Variants in PDZD2 observed in about 807,000 individuals in gnomAD.
The protein encoded by PDZD2 is PDZ domain-containing protein 2.
Under a neutral mutation model 220.7 loss-of-function variants are expected in PDZD2, and 90 were observed. That is an observed-to-expected ratio of 0.41 (90% CI 0.34 to 0.49). The LOEUF (loss-of-function observed/expected upper bound fraction) is 0.49. PDZD2 is among the 20% of genes least tolerant of loss of function. The pLI is 0.28. For missense variants in PDZD2, 3,174 were observed against 3,608.5 expected (o/e 0.88, Z 3.08); for synonymous variants, 1,375 against 1,450.5 (o/e 0.95, Z 1.18).
rs760473549 is a variant in PDZD2 at position 32,089,123 on chromosome 5, G to A, written c.5675G>A (p.Gly1892Asp). ...AAGCTGAAGAGGCTCAGCCTCAAGGGCAAGGCCAAAGTCAACTCTGAGGCC... is the reference window on the plus strand; with the variant it reads ...AAGCTGAAGAGGCTCAGCCTCAAGGACAAGGCCAAAGTCAACTCTGAGGCC... ...GPKLKRLSLK[G>D]KAKVNSEAPA... The change falls in exon 20 of 25, where the codon GGC (glycine) becomes GAC (aspartate). Residue 1892 changes from glycine to aspartate, a missense_variant. Around this residue, in one of 4 missense-constraint regions of PDZD2, gnomAD observed 1,861 missense variants for 2,001.0 expected, o/e 0.93. Coordinates refer to ENST00000438447, the MANE Select transcript of PDZD2 (RefSeq NM_178140.4). 8 of 1,613,972 alleles carry A rather than the reference G, an allele frequency of 5.0e-6. No individual in the cohort carries two copies. In the African/African-American group the frequency reaches 8.0e-5, roughly 16 times the overall value.
intron 1 of PDZD2, among the ~76,000 whole-genome samples, chr5:31,686,691 T>C (rs1026640567): frequency 4.6e-5 from 7 of 152,226 alleles, no homozygotes; most frequent in Admixed American, 4.6e-4. Flanking sequence ...TTACCGAATA[T>C]CCATATATCA....
At position 31,645,333 on chromosome 5, in the gene PDZD2, C is replaced by CT. The variant is rs1226259458; in HGVS notation, c.-361+5917dup. ...ATTTCAGAGGGGTTACTCTTGGTCTCTTTTTTTTTTTTTTTTTTTTTGAGA... is the reference window on the plus strand; with the variant it reads ...ATTTCAGAGGGGTTACTCTTGGTCTCTTTTTTTTTTTTTTTTTTTTTTGAGA... On this transcript the variant is annotated intron_variant, in intron 1 of 24. Coordinates refer to ENST00000438447, the MANE Select transcript of PDZD2 (RefSeq NM_178140.4). Among the ~76,000 whole-genome samples, 49 of 122,800 alleles carry CT rather than the reference C, an allele frequency of 4.0e-4. 1 individual carries two copies. Among genetic ancestry groups the CT allele is most frequent in the Admixed American group, 7.7e-4 (9 of 11,616 alleles). The allele number at this position is 122,800 out of a possible 152,430, so 80.6% of individuals were successfully genotyped here.
chr5:31,980,403 G>T (rs1442491381), intron 2 of PDZD2, among the ~76,000 whole-genome samples: 1 of 152,240 alleles, frequency 6.6e-6, no homozygotes, highest in East Asian at 1.9e-4. Context: ...CCATTATATG[G>T]ATATATCAAC....
intron 2 of PDZD2, among the ~76,000 whole-genome samples, chr5:31,907,881 G>C (rs538160201): frequency 6.6e-6 from 1 of 151,912 alleles, no homozygotes; most frequent in South Asian, 2.1e-4. Flanking sequence ...TCAGGAGTTC[G>C]AGACCAGCCT....
intron 1 of PDZD2, among the ~76,000 whole-genome samples, chr5:31,693,353 G>C (rs553464443): frequency 6.8e-6 from 1 of 147,626 alleles, no homozygotes; most frequent in Non-Finnish European, 1.5e-5. Flanking sequence ...GCGATTCTTC[G>C]GTCTCAGCCT....
intron 1 of PDZD2, among the ~76,000 whole-genome samples, chr5:31,778,032 C>T (rs761517257): frequency 3.7e-4 from 56 of 151,172 alleles, no homozygotes; most frequent in African/African-American, 6.3e-4. Flanking sequence ...GGATTGTAAA[C>T]GCACCAATCA....
intron 1 of PDZD2, among the ~76,000 whole-genome samples, chr5:31,696,896 T>A (rs1486616187): frequency 1.3e-5 from 2 of 152,130 alleles, no homozygotes; most frequent in African/African-American, 2.4e-5. Flanking sequence ...TCTCAAAGGC[T>A]TTAGTGGTTC....
At chr5:31,690,700 G>T (rs939809592) in intron 1 of PDZD2, among the ~76,000 whole-genome samples, 9 of 152,176 alleles carry the variant, frequency 5.9e-5, no homozygotes, top group African/African-American at 2.2e-4. Context: ...CTAAGAATCC[G>T]TGTCATTCAT....
At position 32,090,184 on chromosome 5, in the gene PDZD2, T is replaced by G; in HGVS notation, c.6736T>G (p.Ser2246Ala). 2.5e-6 allele frequency: 4 copies of G among 1,613,972 alleles called. No individual in the cohort carries two copies. The highest frequency in any genetic ancestry group is 2.5e-6 in the Non-Finnish European group (3 of 1,179,984). The change falls in exon 20 of 25, where the codon TCT (serine) becomes GCT (alanine). Residue 2246 changes from serine (S) to alanine (A), a missense_variant. Ser to Ala is a moderately conservative substitution (Grantham distance 99). Coordinates refer to ENST00000438447, the MANE Select transcript of PDZD2 (RefSeq NM_178140.4). The surrounding 1 kb of genome is among the most constrained non-coding windows in gnomAD (Gnocchi z 4.3). ...EGHPPHSLGR[S>A]RDSQVPVTSS... ...TCACCCCCCACACAGCCTGGGTCGC[T>G]CTCGGGACAGCCAGGTCCCTGTGAC...
At chr5:32,034,305 C>G (rs1755354778) in intron 6 of PDZD2, among the ~76,000 whole-genome samples, 1 of 151,512 alleles carries the variant, frequency 6.6e-6, no homozygotes, top group African/African-American at 2.4e-5. Flanking sequence ...ATCCCTTACT[C>G]TGAAGGTCGA....
chr5:31,650,534 C>G (rs1745311613), intron 1 of PDZD2, among the ~76,000 whole-genome samples: 1 of 152,142 alleles, frequency 6.6e-6, no homozygotes, highest in Non-Finnish European at 1.5e-5. Context: ...TATACTCACC[C>G]AGATTCCCAG....
At chr5:32,050,210 C>G (rs953072690) in intron 8 of PDZD2, among the ~76,000 whole-genome samples, 1 of 152,248 alleles carries the variant, frequency 6.6e-6, no homozygotes, top group East Asian at 1.9e-4. Flanking sequence ...GGATTACAGG[C>G]GTGAGCCACC....
chr5:32,109,049 G>GTCAGTCAC lies in PDZD2; in HGVS notation c.*917_*918insGTCACTCA, dbSNP rs1554045936. On this transcript the variant is annotated 3_prime_UTR_variant, in exon 25 of 25. Transcript: ENST00000438447. The stretch of plus-strand genomic sequence containing the variant: ...AGACAAAAATATCACAAGTCAGTCA[G>GTCAGTCAC]TCACTGGGTTTCCATTTCTGAATTT... 7 of 141,886 alleles carry GTCAGTCAC rather than the reference G, an allele frequency of 4.9e-5. No individual in the cohort carries two copies. The highest frequency in any genetic ancestry group is 1.8e-4 in the African/African-American group (7 of 39,202). The allele number at this position is 141,886 out of a possible 1,614,324, so 8.8% of individuals were successfully genotyped here.
At chr5:31,919,118 G>A (rs972158453) in intron 2 of PDZD2, among the ~76,000 whole-genome samples, 3 of 152,226 alleles carry the variant, frequency 2.0e-5, no homozygotes, top group Non-Finnish European at 4.4e-5. Flanking sequence ...ACTGGTGGAG[G>A]AGTGAGTAGG....
chr5:32,020,218 T>C (rs925311192), intron 6 of PDZD2, among the ~76,000 whole-genome samples: 1 of 152,276 alleles, frequency 6.6e-6, no homozygotes, highest in Admixed American at 6.5e-5. Context: ...TTGACCAAGC[T>C]GGTCTCAAAC....
At chr5:32,092,859 A>C in intron 20 of PDZD2, 48 bp from the exon 21 acceptor site, 1 of 911,578 alleles carries the variant, frequency 1.1e-6, no homozygotes. Context: ...TAAAATGAAG[A>C]AATTGCTTTT....
rs556582365 is a variant in PDZD2, at chr5:31,803,879, A to T, written c.476+4155A>T. Among the ~76,000 whole-genome samples the T allele has an allele frequency of 4.0e-4, 60 of 151,898 alleles. No individual in the cohort carries two copies. In the South Asian group the frequency reaches 7.1e-3, roughly 18 times the overall value. ...GGCAAGTCCCCATCTCTATAAAAAA[A>T]TTTTTTTTAATTAGCTGGGCATGGT... On this transcript the variant is annotated intron_variant, in intron 2 of 24. Transcript: ENST00000438447.
intron 13 of PDZD2, among the ~76,000 whole-genome samples, chr5:32,060,479 CCTT>C (rs142846163): frequency 4.6e-5 from 7 of 152,272 alleles, no homozygotes; most frequent in African/African-American, 1.7e-4. Context: ...GCTATTTCCT[CCTT>C]AAGTTATATT....
At chr5:31,835,212 G>C (rs17507902) in intron 2 of PDZD2, among the ~76,000 whole-genome samples, 53,179 of 152,028 alleles carry the variant, frequency 0.35, 9,894 homozygotes, top group Non-Finnish European at 0.41. Context: ...GCTGAAAGGT[G>C]GTCACTGATG....
Sources: gnomAD v4.1 joint callset for allele counts (sites outside exome capture counted in the v4.1 genomes callset) on GRCh38, gnomAD v4.1.1 for gene constraint, gnomAD v4.1.1 regional missense constraint, Gnocchi (gnomAD v3.1) non-coding constraint, MANE v1.5 for transcripts, NCBI Gene and HGNC (gene_info 2026-07-23, HGNC 2026-07-21) for gene names.